MGAM: variants seen among roughly 807,000 people sequenced by gnomAD.
MGAM encodes maltase-glucoamylase, also known as alpha-1,4-glucosidase.
In MGAM, 253 loss-of-function variants were observed where a neutral mutation model predicts 358.8. That is an observed-to-expected ratio of 0.71 (90% CI 0.64 to 0.78). The LOEUF is 0.78. MGAM is among the 30% of genes least tolerant of loss of function. MGAM has a pLI of 0.00. For missense variants in MGAM, 3,080 were observed against 3,432.6 expected (o/e 0.90, Z 2.57); for synonymous variants, 1,105 against 1,227.1 (o/e 0.90, Z 2.08).
chr7:142,010,931 T>C (rs190026999), intron 3 of MGAM, among the ~76,000 whole-genome samples: 138 of 152,292 alleles, frequency 9.1e-4, no homozygotes, highest in Non-Finnish European at 2.6e-4. Context: ...AAAGATCCCA[T>C]TGATGGCAGG....
Position 142,086,030 on chromosome 7 carries a change from T to C in MGAM, c.6636+69T>C, listed in dbSNP as rs1814720769. The C allele has an allele frequency of 3.9e-6, 6 of 1,523,308 alleles. 1 individual carries two copies. Among genetic ancestry groups the C allele is most frequent in the East Asian group, 2.3e-5 (1 of 43,530 alleles). 94.4% of individuals were successfully genotyped at this position (1,523,308 alleles called of 1,614,324 possible). A position where few individuals can be genotyped will look rare whatever the true frequency, so the allele number is the denominator to read the frequency against. ...ATGGGTTTTGTTGGAGAAAGTGTTA[T>C]ACTTTATTTCCATGTTGCAAGTAGA... On this transcript the variant is annotated intron_variant, in intron 55 of 70. Transcript: ENST00000475668.
chr7:142,062,709 G>A lies in MGAM; in HGVS notation c.4257+7G>A, dbSNP rs746297156. ...GTTTGATGGCATGTGGATTGTAAGT[G>A]TGTGTGTGTCTCTGTGTACCAGTGG... On this transcript the variant is annotated splice_region_variant and intron_variant, in intron 35 of 70. Transcript: ENST00000475668. 3 of 1,611,270 alleles carry A rather than the reference G, an allele frequency of 1.9e-6. No homozygotes were observed. In the East Asian group the frequency reaches 6.7e-5, roughly 36 times the overall value.
intron 30 of MGAM, among the ~76,000 whole-genome samples, chr7:142,057,423 T>C (rs1811664283): frequency 1.3e-5 from 2 of 148,202 alleles, no homozygotes; most frequent in Admixed American, 1.3e-4. Context: ...ATGATGATGG[T>C]GGTGTTGGTT....
intron 45 of MGAM, among the ~76,000 whole-genome samples, chr7:142,074,698 G>A (rs1189606048): frequency 2.0e-5 from 3 of 146,366 alleles, no homozygotes; most frequent in African/African-American, 7.3e-5. Flanking sequence ...GGGAATCTTT[G>A]CAATGTTCTG....
rs942353104 is a variant in MGAM, at chr7:142,005,641, G to A, written c.111G>A (p.Glu37=). The A allele has an allele frequency of 3.1e-6, 5 of 1,600,946 alleles. No homozygotes were observed. The highest frequency in any genetic ancestry group is 4.3e-6 in the Non-Finnish European group (5 of 1,173,286). The change falls in exon 2 of 71, where the codon GAG becomes GAA. Residue 37 remains glutamate, a synonymous_variant. Transcript: ENST00000475668. ...TTCTAATTGTGCTTTTAGCCAAAGA[G>A]TCACTGAAATCAACAGGTAAGAAGT... is the stretch of plus-strand genomic sequence containing the variant. ...SIVLIVLLAK[E]SLKSTAPDPG... is the part of the protein sequence containing the mutation.
At position 142,055,732 on chromosome 7, in the gene MGAM, G is replaced by T. The variant is rs560707908; in HGVS notation, c.3483+6G>T. On this transcript the variant is annotated splice_donor_region_variant and intron_variant, in intron 28 of 70. Transcript: ENST00000475668. ...CCCGAGACCAGCCCCCAGGGGTAAG[G>T]ACAGAGCATTTGGGATCTGTGTCTC... is the stretch of plus-strand genomic sequence containing the variant. 1.2e-4 allele frequency: 193 copies of T among 1,613,660 alleles called. 4 individuals carry two copies. The South Asian group carries it at 2.1e-3, about 17-fold the overall frequency.
rs782527460 is a variant in MGAM, at chr7:142,030,633, A to G, written c.1354-8A>G. 2 of 1,607,974 alleles carry G rather than the reference A, an allele frequency of 1.2e-6. No homozygotes were observed. Among genetic ancestry groups the G allele is most frequent in the Admixed American group, 3.3e-5 (2 of 59,904 alleles). ...CTAGTTTGTTCATTGTATTCTTCCT[A>G]TTTTTAGGATCCAGCCATCTCCAAC... is the stretch of plus-strand genomic sequence containing the variant. On this transcript the variant is annotated splice_region_variant and splice_polypyrimidine_tract_variant and intron_variant, in intron 11 of 70. Coordinates refer to ENST00000475668, the MANE Select transcript of MGAM (RefSeq NM_001365693.1).
In MGAM at chr7:142,099,595, A is replaced by G; in HGVS notation, c.7750-18A>G. The stretch of plus-strand genomic sequence containing the variant: ...CCTGTCCTCTCCTTAGTCATCTCTT[A>G]CCTTCTTCTGCCTCCAGGGTGTGGA... On this transcript the variant is annotated intron_variant, in intron 66 of 70. Transcript: ENST00000475668. The G allele has an allele frequency of 1.9e-6, 3 of 1,613,770 alleles. No individual in the cohort carries two copies. The highest frequency in any genetic ancestry group is 2.5e-6 in the Non-Finnish European group (3 of 1,179,732).
chr7:141,991,366 G>A (rs1439921470), upstream of MGAM, among the ~76,000 whole-genome samples: 2 of 152,090 alleles, frequency 1.3e-5, no homozygotes, highest in African/African-American at 2.4e-5. Flanking sequence ...CAGCCCCAGG[G>A]CTAATGCTTG....
intron 21 of MGAM, among the ~76,000 whole-genome samples, chr7:142,045,155 GA>G (rs1563156385): frequency 1.8e-4 from 11 of 61,514 alleles, no homozygotes; most frequent in Non-Finnish European, 2.6e-4. Context: ...TCATATATGT[GA>G]TATATAATAT....
intron 3 of MGAM, among the ~76,000 whole-genome samples, chr7:142,014,586 T>G (rs1304867417): frequency 5.9e-5 from 9 of 152,192 alleles, no homozygotes; most frequent in East Asian, 1.9e-4. Flanking sequence ...CCCACGCATA[T>G]CCCTTCTGTA....
chr7:142,062,019 T>G (rs1477163852), intron 34 of MGAM, among the ~76,000 whole-genome samples: 1 of 152,216 alleles, frequency 6.6e-6, no homozygotes, highest in African/African-American at 2.4e-5. Context: ...GCATCCTCTT[T>G]AAGTCCTCTC....
chr7:142,011,654 G>A (rs1443343979), intron 3 of MGAM, among the ~76,000 whole-genome samples: 1 of 152,146 alleles, frequency 6.6e-6, no homozygotes, highest in Non-Finnish European at 1.5e-5. Flanking sequence ...TAAGTAAAAT[G>A]AGACAGTATG....
In MGAM at chr7:142,000,545, T is replaced by C. The variant is rs781981783; in HGVS notation, c.-3+4615T>C. Among the ~76,000 whole-genome samples the C allele has an allele frequency of 8.9e-4, 135 of 152,292 alleles. 4 individuals carry two copies. Among genetic ancestry groups the C allele is most frequent in the Middle Eastern group, 3.4e-3 (1 of 294 alleles). Reference sequence around the variant, plus strand: ...AGGGTGAGGTGGTGGGGACTCGCCCTACCTCTTGAAGAGAGGAGTATCAAA... The same window carrying C: ...AGGGTGAGGTGGTGGGGACTCGCCCCACCTCTTGAAGAGAGGAGTATCAAA... On this transcript the variant is annotated intron_variant, in intron 1 of 70. Transcript: ENST00000475668.
chr7:142,038,423 C>A, intron 18 of MGAM, 108 bp from the exon 19 acceptor site: 1 of 816,564 alleles, frequency 1.2e-6, no homozygotes, highest in Non-Finnish European at 2.0e-6. Context: ...GGGGGGTTTG[C>A]CTGGGCAGAC....
At position 142,105,881 on chromosome 7, in the gene MGAM, G is replaced by A. The variant is rs1447177148; in HGVS notation, c.8252G>A (p.Ser2751Asn). 6.2e-7 allele frequency: 1 copy of A among 1,609,808 alleles called. No individual in the cohort carries two copies. The highest frequency in any genetic ancestry group is 1.1e-5 in the South Asian group (1 of 90,940). Residue 2751 changes from serine (S) to asparagine (N), a missense_variant, in exon 71 of 71, where the codon AGC becomes AAC. Around this residue, in one of 5 missense-constraint regions of MGAM, gnomAD observed 194 missense variants for 172.8 expected, o/e 1.12. Coordinates refer to ENST00000475668, the MANE Select transcript of MGAM (RefSeq NM_001365693.1). ...AATTTTACTTCATTGACGTGGATAA[G>A]CACTCTGTGAATTTTTACAGCAAGA... ...LHNFTSLTWI[S>N]TL
rs1813732825 is a variant in MGAM at position 142,076,377 on chromosome 7, A to G, written c.5325+125A>G. On this transcript the variant is annotated intron_variant, in intron 46 of 70. Transcript: ENST00000475668. ...TGCATTATTGGCTATAGGTGAGCACATTTCTATTTATGATTTCATCGATGT... is the reference window on the plus strand; with the variant it reads ...TGCATTATTGGCTATAGGTGAGCACGTTTCTATTTATGATTTCATCGATGT... 2.0e-6 allele frequency: 2 copies of G among 1,023,948 alleles called. 1 individual carries two copies. Among genetic ancestry groups the G allele is most frequent in the Non-Finnish European group, 3.0e-6 (2 of 658,306 alleles). The allele number at this position is 1,023,948 out of a possible 1,614,324, so 63.4% of individuals were successfully genotyped here.
At chr7:141,998,342 A>G (rs1015131511) in intron 1 of MGAM, among the ~76,000 whole-genome samples, 1 of 152,064 alleles carries the variant, frequency 6.6e-6, no homozygotes, top group Admixed American at 6.5e-5. Flanking sequence ...GCACCTGTCA[A>G]CCCATCATCT....
chr7:142,067,935 AATATATAT>A (rs547783903), intron 42 of MGAM, among the ~76,000 whole-genome samples: 7 of 29,200 alleles, frequency 2.4e-4, no homozygotes, highest in African/African-American at 4.8e-4. Flanking sequence ...ACCTCCCTCA[AATATATAT>A]ATATATATAT....
Sources: allele counts gnomAD v4.1 joint callset (sites outside exome capture counted in the v4.1 genomes callset), GRCh38; gene constraint gnomAD v4.1.1; regional missense constraint gnomAD v4.1.1; transcripts MANE v1.5; gene names NCBI Gene and HGNC (gene_info 2026-07-23, HGNC 2026-07-21).